CPQ: variants seen among roughly 807,000 people sequenced by gnomAD.
CPQ encodes the protein Ser-Met dipeptidase.
In CPQ, 37 loss-of-function variants were observed where a neutral mutation model predicts 45.7. The ratio of observed to expected loss-of-function variants is 0.81; its 90% CI spans 0.62 to 1.07. The LOEUF is 1.07. CPQ is among the 50% of genes least tolerant of loss of function. CPQ has a pLI of 0.00. For synonymous variants in CPQ, 186 were observed against 205.8 expected (o/e 0.90, Z 0.82); for missense variants, 537 against 572.9 (o/e 0.94, Z 0.64).
chr8:96,788,071 T>C (rs1192440622), intron 2 of CPQ, among the ~76,000 whole-genome samples: 1 of 118,932 alleles, frequency 8.4e-6, no homozygotes, highest in Non-Finnish European at 1.8e-5. Context: ...CTTTTTTTCT[T>C]TTCTTTCTTT....
intron 1 of CPQ, among the ~76,000 whole-genome samples, chr8:96,744,575 C>T (rs1586383803): frequency 6.6e-6 from 1 of 152,218 alleles, no homozygotes; most frequent in South Asian, 2.1e-4. Context: ...CTTTTTTTAT[C>T]AATAATCCTT....
intron 1 of CPQ, among the ~76,000 whole-genome samples, chr8:96,767,635 C>CT (rs1172189500): frequency 0.05 from 1,970 of 39,312 alleles, 704 homozygotes; most frequent in Non-Finnish European, 0.061. Context: ...GTTACCTATG[C>CT]TTTTTTTTTT....
chr8:96,713,650 TG>T (rs1809641374), intron 1 of CPQ, among the ~76,000 whole-genome samples: 1 of 152,008 alleles, frequency 6.6e-6, no homozygotes, highest in Middle Eastern at 3.4e-3. Context: ...TACCTCCCAC[TG>T]GGTTCCTTCC....
intron 7 of CPQ, among the ~76,000 whole-genome samples, chr8:97,140,012 T>TAA (rs35599124): frequency 4.9e-4 from 73 of 148,062 alleles, no homozygotes; most frequent in African/African-American, 5.9e-4. Context: ...AAGCAAGATT[T>TAA]AAAAAAAAAA....
At chr8:96,926,095 C>T (rs1812870610) in intron 4 of CPQ, among the ~76,000 whole-genome samples, 1 of 152,166 alleles carries the variant, frequency 6.6e-6, no homozygotes, top group Non-Finnish European at 1.5e-5. Context: ...TAGGAAACCT[C>T]GATATTAAAA....
At chr8:96,895,027 T>C (rs892488102) in intron 4 of CPQ, among the ~76,000 whole-genome samples, 1 of 152,210 alleles carries the variant, frequency 6.6e-6, no homozygotes, top group African/African-American at 2.4e-5. Context: ...ACTCATTGAC[T>C]GACTATTTAT....
intron 5 of CPQ, among the ~76,000 whole-genome samples, chr8:96,970,377 C>T (rs1359993300): frequency 6.6e-6 from 1 of 152,140 alleles, no homozygotes; most frequent in African/African-American, 2.4e-5. Context: ...AAGCATTGTG[C>T]TAAGCACTCC....
At position 96,879,806 on chromosome 8, in the gene CPQ, C is replaced by G; in HGVS notation, c.650C>G (p.Thr217Arg). Residue 217 changes from threonine (T) to arginine (R), a missense_variant, in exon 4 of 8, where the codon ACA (threonine) becomes AGA (arginine). By Grantham distance (71) the Thr-to-Arg change is moderately conservative. Coordinates refer to ENST00000220763, the MANE Select transcript of CPQ (RefSeq NM_016134.4). ...VASFSIYSPH[T>R]GIQEYQDGVP... is the part of the protein sequence containing the mutation. ...TGGCTTCTTCTCTCAAGTCCTCACA[C>G]AGGTATTCAGGAATACCAGGATGGC... is the stretch of plus-strand genomic sequence containing the variant. 2 of 1,613,898 alleles carry G rather than the reference C, an allele frequency of 1.2e-6. No homozygotes were observed. Among genetic ancestry groups the G allele is most frequent in the Non-Finnish European group, 1.7e-6 (2 of 1,179,814 alleles).
chr8:96,776,710 A>G lies in CPQ; in HGVS notation c.-34-8154A>G, dbSNP rs1810609149. Among the ~76,000 whole-genome samples the G allele has an allele frequency of 3.9e-5, 6 of 152,324 alleles. No homozygotes were observed. In the South Asian group the frequency reaches 1.2e-3, roughly 32 times the overall value. On this transcript the variant is annotated intron_variant, in intron 1 of 7. Coordinates refer to ENST00000220763, the MANE Select transcript of CPQ (RefSeq NM_016134.4). ...TTGCTTCCAGATTTAAGTAGAAAAGAAAGAAAATGACATTATAAAGAATTT... is the reference window on the plus strand; with the variant it reads ...TTGCTTCCAGATTTAAGTAGAAAAGGAAGAAAATGACATTATAAAGAATTT...
intron 7 of CPQ, among the ~76,000 whole-genome samples, chr8:97,117,738 C>G (rs1464957134): frequency 1.3e-5 from 2 of 152,006 alleles, no homozygotes; most frequent in Non-Finnish European, 2.9e-5. Context: ...GAGGTCTCAT[C>G]ATGTTGCCCA....
chr8:97,104,675 AC>A (rs1466210481), intron 7 of CPQ, among the ~76,000 whole-genome samples: 1 of 152,188 alleles, frequency 6.6e-6, no homozygotes, highest in Non-Finnish European at 1.5e-5. Context: ...CCCATCTTGC[AC>A]AAAATATTCC....
chr8:96,663,565 T>C (rs1253820273), intron 1 of CPQ, among the ~76,000 whole-genome samples: 1 of 152,216 alleles, frequency 6.6e-6, no homozygotes. Context: ...TGTGAGCACT[T>C]TTCAAACCTA....
chr8:96,880,576 T>TATATATATACATAC lies in CPQ; in HGVS notation c.849+572_849+573insTATATATACATACA, dbSNP rs1359946797. Among the ~76,000 whole-genome samples, 23 of 83,190 alleles carry TATATATATACATAC rather than the reference T, an allele frequency of 2.8e-4. 1 individual carries two copies. The highest frequency in any genetic ancestry group is 4.9e-4 in the Non-Finnish European group (20 of 40,568). The allele number at this position is 83,190 out of a possible 152,430, so 54.6% of individuals were successfully genotyped here. ...ATATATATATATATATATATATATA[T>TATATATATACATAC]ACCATGGAATACTACCCAGCCATAG... is the stretch of plus-strand genomic sequence containing the variant. On this transcript the variant is annotated intron_variant, in intron 4 of 7. Coordinates refer to ENST00000220763, the MANE Select transcript of CPQ (RefSeq NM_016134.4).
At chr8:97,074,211 G>C (rs1472162549) in intron 7 of CPQ, among the ~76,000 whole-genome samples, 1 of 152,116 alleles carries the variant, frequency 6.6e-6, no homozygotes, top group Non-Finnish European at 1.5e-5. Flanking sequence ...TCCTTAACTG[G>C]ATTGAGGATG....
intron 3 of CPQ, among the ~76,000 whole-genome samples, chr8:96,856,679 G>C (rs1475257896): frequency 6.6e-6 from 1 of 152,176 alleles, no homozygotes; most frequent in Non-Finnish European, 1.5e-5. Flanking sequence ...ACAAGACAGA[G>C]ATGACCCATA....
chr8:96,734,022 A>G (rs371550569), intron 1 of CPQ, among the ~76,000 whole-genome samples: 15 of 152,288 alleles, frequency 9.8e-5, no homozygotes, highest in African/African-American at 3.4e-4. Flanking sequence ...CATGCCTGTC[A>G]TATGTGGTTT....
At chr8:96,701,653 T>G (rs1809463850) in intron 1 of CPQ, among the ~76,000 whole-genome samples, 1 of 152,174 alleles carries the variant, frequency 6.6e-6, no homozygotes, top group South Asian at 2.1e-4. Flanking sequence ...TCTGCCAGCC[T>G]CAAAATGTGC....
intron 1 of CPQ, among the ~76,000 whole-genome samples, chr8:96,701,278 G>A (rs1463790346): frequency 1.3e-5 from 2 of 152,110 alleles, no homozygotes; most frequent in South Asian, 4.1e-4. Flanking sequence ...CAAGGATTTG[G>A]GAGAAGATTA....
chr8:96,809,960 G>T (rs538898136), intron 2 of CPQ, among the ~76,000 whole-genome samples: 19 of 151,988 alleles, frequency 1.3e-4, no homozygotes, highest in Non-Finnish European at 2.1e-4. Flanking sequence ...TTGCTAAGTC[G>T]TCCCCCATAC....
Sources: allele counts gnomAD v4.1 joint callset (sites outside exome capture counted in the v4.1 genomes callset), GRCh38; gene constraint gnomAD v4.1.1; transcripts MANE v1.5; gene names NCBI Gene and HGNC (gene_info 2026-07-23, HGNC 2026-07-21).